The following L3MBTL2 variants were observed in gnomAD, a reference collection of about 807,000 sequenced individuals.
L3MBTL2 encodes lethal(3)malignant brain tumor-like protein 2.
Under a neutral mutation model 86.4 loss-of-function variants are expected in L3MBTL2, and 49 were observed. The ratio of observed to expected loss-of-function variants is 0.57; its 90% CI spans 0.45 to 0.72. The LOEUF (loss-of-function observed/expected upper bound fraction) is 0.72, where lower values mean the gene tolerates loss of function less well. Ranked by LOEUF, L3MBTL2 falls within the 30% of genes least tolerant of loss-of-function variation. The pLI is 0.00. For synonymous variants in L3MBTL2, 336 were observed against 350.6 expected (o/e 0.96, Z 0.47); for missense variants, 755 against 923.7 (o/e 0.82, Z 2.37).
At chr22:41,205,526 A>G (rs2030137743) in intron 1 of L3MBTL2, 140 bp downstream of exon 1, 1 of 1,016,434 alleles carries the variant, frequency 9.8e-7, no homozygotes, top group Admixed American at 2.0e-5. Flanking sequence ...AAACTGAGCC[A>G]GGGGCAGAGG....
At chr22:41,226,583 C>T in intron 12 of L3MBTL2, 79 bp from the exon 13 acceptor site, 1 of 1,013,416 alleles carries the variant, frequency 9.9e-7, no homozygotes. Context: ...TGCAGAGCTT[C>T]TTCAGCCATG....
intron 16 of L3MBTL2, 143 bp downstream of exon 16, chr22:41,229,799 G>C (rs921565721): frequency 1.4e-6 from 2 of 1,396,570 alleles, no homozygotes; most frequent in Admixed American, 3.9e-5. Flanking sequence ...TGTACCACTG[G>C]ACCCAGGGTG....
chr22:41,206,754 G>C (rs112352058), intron 1 of L3MBTL2, among the ~76,000 whole-genome samples: 5 of 151,782 alleles, frequency 3.3e-5, no homozygotes, highest in Non-Finnish European at 5.9e-5. Context: ...AGCCGAGATC[G>C]GGCCACTGCA....
intron 6 of L3MBTL2, among the ~76,000 whole-genome samples, chr22:41,220,190 A>T (rs763521318): frequency 1.3e-5 from 2 of 152,214 alleles, no homozygotes; most frequent in Non-Finnish European, 1.5e-5. Context: ...TCTATAAAAA[A>T]TGAAAAAATT....
chr22:41,224,990 C>T lies in L3MBTL2; in HGVS notation c.1275C>T (p.Gly425=), dbSNP rs146917495. The stretch of plus-strand genomic sequence containing the variant: ...AGGTACGAGCAGTCTACACAGAAGG[C>T]GGTTGGTTTGAGGAAGGGATGAAGC... ...FKKVRAVYTE[G]GWFEEGMKLE... is the part of the protein sequence containing the mutation. The change falls in exon 11 of 17, where the codon GGC becomes GGT. Residue 425 remains glycine (G), a synonymous_variant. Transcript: ENST00000216237. The surrounding 1 kb of genome is among the most constrained non-coding windows in gnomAD (Gnocchi z 4.9). 1.3e-5 allele frequency: 21 copies of T among 1,613,758 alleles called. No homozygotes were observed. Among genetic ancestry groups the T allele is most frequent in the East Asian group, 2.2e-5 (1 of 44,900 alleles).
intron 6 of L3MBTL2, among the ~76,000 whole-genome samples, chr22:41,220,402 CCCAA>C: frequency 6.6e-6 from 1 of 152,128 alleles, no homozygotes; most frequent in South Asian, 2.1e-4. Flanking sequence ...ACATACCTTC[CCCAA>C]GCTAGGCCCG....
Position 41,216,210 on chromosome 22 carries a change from C to T in L3MBTL2, c.468C>T (p.Leu156=). The change falls in exon 4 of 17, where the codon CTC becomes CTT. Residue 156 remains leucine, a synonymous_variant. Transcript: ENST00000216237. ...AAWSAKIGAF[L]HSQGTGQLAD... The stretch of plus-strand genomic sequence containing the variant: ...GGTCTGCCAAAATTGGAGCCTTCCT[C>T]CACTCTCAAGGGACAGGACAGCTGG... 1 of 1,614,142 alleles carries T rather than the reference C, an allele frequency of 6.2e-7. No individual in the cohort carries two copies. Among genetic ancestry groups the T allele is most frequent in the Non-Finnish European group, 8.5e-7 (1 of 1,180,016 alleles).
chr22:41,218,623 T>C (rs1029272408), intron 5 of L3MBTL2: 13 of 152,182 alleles, frequency 8.5e-5, no homozygotes, highest in African/African-American at 3.1e-4. Context: ...CTTTATTTTA[T>C]TTTATTTATT....
chr22:41,221,090 A>G, intron 7 of L3MBTL2, 109 bp from the exon 8 acceptor site: 1 of 1,034,362 alleles, frequency 9.7e-7, no homozygotes, highest in Non-Finnish European at 1.4e-6. Flanking sequence ...AGAGGCAGCT[A>G]TTTTCAGTCC....
intron 1 of L3MBTL2, chr22:41,208,546 A>G (rs574948678): frequency 3.6e-6 from 1 of 274,352 alleles, no homozygotes; most frequent in Admixed American, 5.0e-5. Context: ...CAGAAGTTAA[A>G]TGACTTGCCC....
chr22:41,226,437 G>A (rs1047846882), intron 12 of L3MBTL2, among the ~76,000 whole-genome samples: 48 of 152,212 alleles, frequency 3.2e-4, no homozygotes, highest in African/African-American at 1.1e-3. Flanking sequence ...GTGTATGGTT[G>A]ATGAACAGAG....
intron 8 of L3MBTL2, 94 bp from the exon 9 acceptor site, chr22:41,223,926 C>T: frequency 1.0e-6 from 1 of 990,944 alleles, no homozygotes; most frequent in East Asian, 2.5e-5. Context: ...TGGGGGATAA[C>T]ACCACACCTT....
intron 8 of L3MBTL2, among the ~76,000 whole-genome samples, chr22:41,222,648 AGTGG>A (rs2031906077): frequency 6.6e-6 from 1 of 151,760 alleles, no homozygotes; most frequent in African/African-American, 2.4e-5. Flanking sequence ...GGCACGGCAC[AGTGG>A]CTTACTCCTG....
intron 3 of L3MBTL2, 143 bp downstream of exon 3, chr22:41,214,169 A>G: frequency 2.7e-6 from 2 of 743,802 alleles, no homozygotes; most frequent in Non-Finnish European, 4.4e-6. Context: ...CAAACTTCAG[A>G]GGACAGTAGA....
intron 5 of L3MBTL2, chr22:41,217,973 T>G (rs2031524539): frequency 6.6e-6 from 1 of 152,274 alleles, no homozygotes; most frequent in Non-Finnish European, 1.5e-5. Flanking sequence ...AAGGTGCACC[T>G]CCTTCCTGCT....
In L3MBTL2 at chr22:41,225,743, TG is replaced by T; in HGVS notation, c.1357-47del. 1 of 1,571,306 alleles carries T rather than the reference TG, an allele frequency of 6.4e-7. No individual in the cohort carries two copies. Among genetic ancestry groups the T allele is most frequent in the Non-Finnish European group, 8.7e-7 (1 of 1,150,274 alleles). ...ATTGGGGTGCGGTACCAACCCAGGA[TG>T]GGGTGCAGTTCATGATATGATCTGT... On this transcript the variant is annotated intron_variant, in intron 11 of 16. Coordinates refer to ENST00000216237, the MANE Select transcript of L3MBTL2 (RefSeq NM_031488.5). The surrounding 1 kb of genome is among the most constrained non-coding windows in gnomAD (Gnocchi z 4.1).
Position 41,213,991 on chromosome 22 carries a change from A to G in L3MBTL2, c.361A>G (p.Asn121Asp). Residue 121 changes from asparagine to aspartate, a missense_variant, in exon 3 of 17, where the codon AAC becomes GAC. This residue lies in a region of L3MBTL2 where 18 missense variants were observed against 69.7 expected (regional missense o/e 0.26). Coordinates refer to ENST00000216237, the MANE Select transcript of L3MBTL2 (RefSeq NM_031488.5). ...SVSCSRSYSS[N>D]SKKASILARL... ...CTCCTGCTCCAGGAGCTACTCCTCC[A>G]ACTCCAAGAAAGCCAGTATCTTGGC... The G allele has an allele frequency of 6.2e-7, 1 of 1,614,202 alleles. No individual in the cohort carries two copies.
intron 1 of L3MBTL2, chr22:41,209,448 T>A (rs1346909406): frequency 2.2e-6 from 1 of 445,434 alleles, no homozygotes; most frequent in Non-Finnish European, 4.2e-6. Context: ...TGTTAAAATA[T>A]CATCATTTGT....
intron 12 of L3MBTL2, 130 bp from the exon 13 acceptor site, chr22:41,226,531 AG>A (rs2032195183): frequency 2.8e-6 from 2 of 713,148 alleles, no homozygotes; most frequent in African/African-American, 3.5e-5. Context: ...GGGGATGAGA[AG>A]AAGGCTGCTG....
Sources: gnomAD v4.1 joint callset for allele counts (sites outside exome capture counted in the v4.1 genomes callset) on GRCh38, gnomAD v4.1.1 for gene constraint, gnomAD v4.1.1 regional missense constraint, Gnocchi (gnomAD v3.1) non-coding constraint, MANE v1.5 for transcripts, NCBI Gene and HGNC (gene_info 2026-07-23, HGNC 2026-07-21) for gene names.